The following VEPH1 variants were observed in gnomAD, a reference collection of about 807,000 sequenced individuals.
VEPH1 encodes the protein ventricular zone-expressed PH domain-containing protein homolog 1.
In VEPH1, 80 loss-of-function variants were observed where a neutral mutation model predicts 85.2. The observed-to-expected ratio is 0.94, with a 90% CI of 0.78 to 1.13. The LOEUF is 1.13. Ranked by LOEUF, VEPH1 falls within the 50% of genes most tolerant of loss-of-function variation. The pLI is 0.00. For missense variants in VEPH1, 955 were observed against 980.5 expected (o/e 0.97, Z 0.35); for synonymous variants, 297 against 348.0 (o/e 0.85, Z 1.63).
intron 12 of VEPH1, among the ~76,000 whole-genome samples, chr3:157,282,096 G>A (rs1412250249): frequency 1.3e-5 from 2 of 152,166 alleles, no homozygotes; most frequent in African/African-American, 4.8e-5. Flanking sequence ...CCTGACACAG[G>A]AGGCATTTTG....
intron 4 of VEPH1, among the ~76,000 whole-genome samples, chr3:157,458,871 T>C (rs1475105186): frequency 2.6e-5 from 4 of 152,220 alleles, no homozygotes; most frequent in Admixed American, 2.6e-4. Flanking sequence ...ATTTGTTGAA[T>C]AGGGAGTCCT....
chr3:157,467,071 C>T (rs1315735680), intron 3 of VEPH1, among the ~76,000 whole-genome samples: 2 of 150,962 alleles, frequency 1.3e-5, no homozygotes, highest in Non-Finnish European at 2.9e-5. Flanking sequence ...TAGGTTTGAG[C>T]GTAGGCCGAC....
At chr3:157,351,960 G>A (rs1374672955) in intron 9 of VEPH1, among the ~76,000 whole-genome samples, 1 of 152,154 alleles carries the variant, frequency 6.6e-6, no homozygotes, top group Non-Finnish European at 1.5e-5. Flanking sequence ...TATCAAATGG[G>A]GGAGACAAAA....
chr3:157,311,387 A>G (rs769755438), intron 11 of VEPH1, among the ~76,000 whole-genome samples: 1 of 152,234 alleles, frequency 6.6e-6, no homozygotes, highest in Non-Finnish European at 1.5e-5. Context: ...ATGTATGTCT[A>G]TATGGCACCT....
intron 6 of VEPH1, among the ~76,000 whole-genome samples, chr3:157,384,813 G>A (rs909818352): frequency 8.5e-5 from 13 of 152,180 alleles, no homozygotes; most frequent in Admixed American, 2.6e-4. Flanking sequence ...CAGGAAGGGG[G>A]TTAGGAGATT....
At chr3:157,346,804 AG>A (rs1559979232) in intron 9 of VEPH1, among the ~76,000 whole-genome samples, 1 of 152,028 alleles carries the variant, frequency 6.6e-6, no homozygotes. Flanking sequence ...TGGTAGAGAC[AG>A]GGTCTCTTCT....
At chr3:157,365,755 G>A (rs1343882044) in intron 7 of VEPH1, among the ~76,000 whole-genome samples, 1 of 152,140 alleles carries the variant, frequency 6.6e-6, no homozygotes, top group Non-Finnish European at 1.5e-5. Flanking sequence ...TAGAAGAGAT[G>A]CATAGGGCAA....
At chr3:157,295,116 G>GTGTAA (rs1717961955) in intron 11 of VEPH1, among the ~76,000 whole-genome samples, 1 of 152,180 alleles carries the variant, frequency 6.6e-6, no homozygotes, top group South Asian at 2.1e-4. Flanking sequence ...ACAGACCCTA[G>GTGTAA]GATGTGTAAG....
intron 12 of VEPH1, among the ~76,000 whole-genome samples, chr3:157,285,911 T>C (rs1378319851): frequency 1.3e-5 from 2 of 152,278 alleles, no homozygotes; most frequent in East Asian, 3.9e-4. Context: ...AAAGCAGAGA[T>C]AATGTCAGTA....
chr3:157,449,686 A>G (rs1403522679), intron 4 of VEPH1, among the ~76,000 whole-genome samples: 1 of 152,054 alleles, frequency 6.6e-6, no homozygotes, highest in East Asian at 1.9e-4. Context: ...TTATCTTGTA[A>G]ATTTAAAAAT....
intron 9 of VEPH1, among the ~76,000 whole-genome samples, chr3:157,354,675 T>A (rs1291371361): frequency 1.3e-5 from 2 of 152,164 alleles, no homozygotes; most frequent in African/African-American, 4.8e-5. Context: ...TTGGCATTAT[T>A]CTTTCTATAT....
chr3:157,389,578 T>C (rs1729635763), intron 6 of VEPH1, among the ~76,000 whole-genome samples: 1 of 152,010 alleles, frequency 6.6e-6, no homozygotes, highest in South Asian at 2.1e-4. Context: ...TTTGAAAATA[T>C]AAAATCACAG....
rs1023624757 is a variant in VEPH1, at chr3:157,437,147, C to T, written c.530-8659G>A. 7.2e-6 allele frequency: 11 copies of T among 1,522,564 alleles called. No homozygotes were observed. In the African/African-American group the frequency reaches 1.4e-4, roughly 19 times the overall value. 94.3% of individuals were successfully genotyped at this position (1,522,564 alleles called of 1,614,324 possible). ...AAATAACACACATATACTTTGTGGC[C>T]AGTGAGACAAGTTAAAAATTTATAG... On this transcript the variant is annotated intron_variant, in intron 4 of 13. Coordinates refer to ENST00000362010, the MANE Select transcript of VEPH1 (RefSeq NM_001167912.2).
chr3:157,350,907 T>A (rs899301694), intron 9 of VEPH1, among the ~76,000 whole-genome samples: 1 of 152,150 alleles, frequency 6.6e-6, no homozygotes, highest in African/African-American at 2.4e-5. Flanking sequence ...AAGAGTACTC[T>A]TACATGCTGT....
intron 1 of VEPH1, among the ~76,000 whole-genome samples, chr3:157,500,778 G>A (rs1412642482): frequency 3.3e-5 from 5 of 151,734 alleles, no homozygotes; most frequent in Non-Finnish European, 5.9e-5. Flanking sequence ...ACACTCTATG[G>A]AACTCCAGTA....
chr3:157,362,569 G>C lies in VEPH1; in HGVS notation c.1735+795C>G, dbSNP rs372113404. ...TACCATTTTTTGACTTTACAATGGT[G>C]TGAAAGTGATACTCATTCAGTAGAA... On this transcript the variant is annotated intron_variant, in intron 9 of 13. Transcript: ENST00000362010. Among the ~76,000 whole-genome samples the C allele has an allele frequency of 9.0e-4, 137 of 152,196 alleles. 2 individuals carry two copies. In the South Asian group the frequency reaches 0.015, roughly 16 times the overall value.
At chr3:157,415,012 C>T (rs1385551348) in intron 5 of VEPH1, 1 of 152,150 alleles carries the variant, frequency 6.6e-6, no homozygotes, top group African/African-American at 2.4e-5. Flanking sequence ...CATAATCCAC[C>T]CCCTGCCAAA....
chr3:157,411,934 C>A (rs1731563340), intron 6 of VEPH1, among the ~76,000 whole-genome samples: 1 of 152,108 alleles, frequency 6.6e-6, no homozygotes, highest in African/African-American at 2.4e-5. Flanking sequence ...TTGTAATCCT[C>A]AATGTTGGAG....
At chr3:157,308,304 C>A (rs1275572856) in intron 11 of VEPH1, among the ~76,000 whole-genome samples, 1 of 151,894 alleles carries the variant, frequency 6.6e-6, no homozygotes, top group African/African-American at 2.4e-5. Context: ...CTAATTATAG[C>A]AAACACCTTT....
Sources: allele counts gnomAD v4.1 joint callset (sites outside exome capture counted in the v4.1 genomes callset), GRCh38; gene constraint gnomAD v4.1.1; transcripts MANE v1.5; gene names NCBI Gene and HGNC (gene_info 2026-07-23, HGNC 2026-07-21).